Variants in KIF13B observed in about 807,000 individuals in gnomAD.
The protein encoded by KIF13B is kinesin-like protein KIF13B.
KIF13B carries 127 observed loss-of-function variants against 222.0 expected under a neutral mutation model. That is an observed-to-expected ratio of 0.57 (90% CI 0.50 to 0.66). KIF13B has a LOEUF of 0.66. Ranked by LOEUF, KIF13B falls within the 30% of genes least tolerant of loss-of-function variation. KIF13B has a pLI of 0.00. For synonymous variants in KIF13B, 976 were observed against 919.0 expected (o/e 1.06, Z -1.12); for missense variants, 2,173 against 2,379.0 (o/e 0.91, Z 1.80).
intron 12 of KIF13B, among the ~76,000 whole-genome samples, chr8:29,164,811 A>G (rs1811919973): frequency 6.6e-6 from 1 of 151,666 alleles, no homozygotes; most frequent in African/African-American, 2.4e-5. Context: ...AAACTTAACT[A>G]GATCTTCCTA....
chr8:29,263,068 T>C lies in KIF13B; in HGVS notation c.-34A>G, dbSNP rs1201021987. ...CGCCGAGGAACTCGTTCGGCTTCCG[T>C]CTGCCGCGGCCACCGGCGACTCTTC... On this transcript the variant is annotated 5_prime_UTR_variant, in exon 1 of 40. Transcript: ENST00000524189. The C allele has an allele frequency of 6.5e-7, 1 of 1,544,794 alleles. No homozygotes were observed. Among genetic ancestry groups the C allele is most frequent in the Non-Finnish European group, 8.7e-7 (1 of 1,144,274 alleles).
At chr8:29,163,985 C>G (rs905394192) in intron 12 of KIF13B, among the ~76,000 whole-genome samples, 15 of 152,176 alleles carry the variant, frequency 9.9e-5, no homozygotes, top group African/African-American at 3.4e-4. Context: ...AGTTTATACA[C>G]TGATCTCTTC....
chr8:29,085,053 C>A (rs546215951), intron 37 of KIF13B, among the ~76,000 whole-genome samples: 2 of 152,180 alleles, frequency 1.3e-5, no homozygotes, highest in Non-Finnish European at 2.9e-5. Context: ...GTAAATTATA[C>A]GAATATCTTT....
At chr8:29,109,380 G>T in intron 34 of KIF13B, 54 bp downstream of exon 34, 1 of 1,346,304 alleles carries the variant, frequency 7.4e-7, no homozygotes, top group Non-Finnish European at 1.1e-6. Context: ...CCCAAGAAAA[G>T]AGGAGAGGAG....
At chr8:29,126,541 GAATTATT>G in intron 25 of KIF13B, 30 bp from the exon 26 acceptor site, 1 of 1,301,618 alleles carries the variant, frequency 7.7e-7, no homozygotes, top group Non-Finnish European at 1.1e-6. Context: ...ACAAAGAACT[GAATTATT>G]GATTTATCCA....
Position 29,148,668 on chromosome 8 carries a change from G to T in KIF13B, c.1722C>A (p.Asp574Glu). The T allele has an allele frequency of 6.2e-7, 1 of 1,612,606 alleles. No homozygotes were observed. Among genetic ancestry groups the T allele is most frequent in the East Asian group, 2.2e-5 (1 of 44,874 alleles). ...NENSSEQLDVDGDSSSEVSSE... is the reference protein window; with the variant it reads ...NENSSEQLDVEGDSSSEVSSE... ...TGGACACCTCGCTGGAGGAGTCTCCGTCTACATCCAGCTGCTCAGAACTAT... is the reference window on the plus strand; with the variant it reads ...TGGACACCTCGCTGGAGGAGTCTCCTTCTACATCCAGCTGCTCAGAACTAT... The change falls in exon 16 of 40, where the codon GAC becomes GAA. Residue 574 changes from aspartate to glutamate, a missense_variant. Coordinates refer to ENST00000524189, the MANE Select transcript of KIF13B (RefSeq NM_015254.4).
At position 29,146,484 on chromosome 8, in the gene KIF13B, T is replaced by C. The variant is rs1811064140; in HGVS notation, c.2081A>G (p.Asn694Ser). ...MRLREQIVKA[N>S]LLVREANYIA... ...GTAATTAGCTTCTCTCACCAATAGATTGGCCTTAACAATTTGTTCCCTCAG... is the reference window on the plus strand; with the variant it reads ...GTAATTAGCTTCTCTCACCAATAGACTGGCCTTAACAATTTGTTCCCTCAG... The change falls in exon 18 of 40, where the codon AAT (asparagine) becomes AGT (serine). Residue 694 changes from asparagine to serine, a missense_variant. Coordinates refer to ENST00000524189, the MANE Select transcript of KIF13B (RefSeq NM_015254.4). The C allele has an allele frequency of 1.9e-6, 3 of 1,613,764 alleles. No individual in the cohort carries two copies. The highest frequency in any genetic ancestry group is 2.5e-6 in the Non-Finnish European group (3 of 1,179,812).
intron 10 of KIF13B, among the ~76,000 whole-genome samples, chr8:29,174,145 T>A (rs1298638482): frequency 6.6e-6 from 1 of 152,176 alleles, no homozygotes; most frequent in African/African-American, 2.4e-5. Flanking sequence ...TTGAGCAAAT[T>A]TTTTTATATA....
chr8:29,144,694 C>T (rs1016127702), intron 18 of KIF13B, among the ~76,000 whole-genome samples: 4 of 152,066 alleles, frequency 2.6e-5, no homozygotes, highest in South Asian at 4.1e-4. Context: ...ATAATAGCAA[C>T]GGGCAATATG....
intron 2 of KIF13B, among the ~76,000 whole-genome samples, chr8:29,204,253 T>C (rs1791563799): frequency 6.6e-6 from 1 of 152,214 alleles, no homozygotes; most frequent in African/African-American, 2.4e-5. Context: ...ATATGAAGAC[T>C]CTGATATATA....
intron 19 of KIF13B, 61 bp from the exon 20 acceptor site, chr8:29,140,678 C>A: frequency 4.8e-6 from 7 of 1,470,100 alleles, no homozygotes; most frequent in Admixed American, 1.9e-5. Flanking sequence ...TGCATTCAAC[C>A]TACTGCTTTT....
Position 29,092,815 on chromosome 8 carries a change from T to A in KIF13B, c.4388A>T (p.Lys1463Met), listed in dbSNP as rs748872453. ...GACGGGAAAGAGAGACTTGAGGAGC[T>A]TTGGCATTTGCGGCACGAAGGATTT... ...PVKSFVPQMP[K>M]LLKSLFPVRD... is the part of the protein sequence containing the mutation. Residue 1463 changes from lysine (K) to methionine (M), a missense_variant, in exon 37 of 40, where the codon AAG (lysine) becomes ATG (methionine). This residue lies in a region of KIF13B where 693 missense variants were observed against 656.2 expected (regional missense o/e 1.06). Transcript: ENST00000524189. 6.2e-7 allele frequency: 1 copy of A among 1,613,166 alleles called. No homozygotes were observed.
intron 31 of KIF13B, 96 bp downstream of exon 31, chr8:29,116,735 G>A (rs576754244): frequency 1.3e-5 from 15 of 1,152,716 alleles, no homozygotes; most frequent in East Asian, 1.0e-4. Context: ...GTGCTTCCGG[G>A]AGCCTGTTTG....
Position 29,160,256 on chromosome 8 carries a change from G to C in KIF13B, c.1404+477C>G, listed in dbSNP as rs546357619. ...AACCTATACTCTCTCTCTTTTAATAGATTGATAACCCAAATTTTTAATTTT... is the reference window on the plus strand; with the variant it reads ...AACCTATACTCTCTCTCTTTTAATACATTGATAACCCAAATTTTTAATTTT... On this transcript the variant is annotated intron_variant, in intron 13 of 39. Transcript: ENST00000524189. Among the ~76,000 whole-genome samples, 10 of 152,206 alleles carry C rather than the reference G, an allele frequency of 6.6e-5. No homozygotes were observed. The East Asian group carries it at 1.9e-3, about 29-fold the overall frequency.
intron 37 of KIF13B, among the ~76,000 whole-genome samples, chr8:29,080,589 G>A (rs149207922): frequency 0.01 from 1,559 of 152,320 alleles, 27 homozygotes; most frequent in African/African-American, 0.035. Context: ...GAATATGTGA[G>A]CCATAACGGC....
chr8:29,171,667 A>T (rs1477491600), intron 10 of KIF13B, among the ~76,000 whole-genome samples: 2 of 146,700 alleles, frequency 1.4e-5, no homozygotes, highest in Non-Finnish European at 3.0e-5. Context: ...GCTCTGGAAC[A>T]TGTTTTGCGA....
At chr8:29,153,335 G>C (rs1811381595) in intron 14 of KIF13B, among the ~76,000 whole-genome samples, 1 of 152,154 alleles carries the variant, frequency 6.6e-6, no homozygotes. Context: ...TCAGTAATGA[G>C]AAATGAGACC....
chr8:29,151,150 G>GA (rs771563620), intron 14 of KIF13B, among the ~76,000 whole-genome samples: 38 of 152,126 alleles, frequency 2.5e-4, no homozygotes, highest in Non-Finnish European at 2.9e-5. Flanking sequence ...GGTCTGGATG[G>GA]AAAATCAACC....
chr8:29,099,219 T>G lies in KIF13B; in HGVS notation c.4238A>C (p.Asp1413Ala), dbSNP rs1190664692. 6.2e-7 allele frequency: 1 copy of G among 1,612,570 alleles called. No individual in the cohort carries two copies. The highest frequency in any genetic ancestry group is 2.2e-5 in the East Asian group (1 of 44,818). ...TCTGGAAACTGTGGTTTGGGATACA[T>G]CCTGCTGACTTTCCCACCGGCCCTA... ...SNKGRWESQQ[D>A]VSQTTVSRGI... The change falls in exon 36 of 40, where the codon GAT becomes GCT. Residue 1413 changes from aspartate (D) to alanine (A), a missense_variant. By Grantham distance (126) the Asp-to-Ala change is moderately radical. This residue lies in a region of KIF13B where 693 missense variants were observed against 656.2 expected (regional missense o/e 1.06). Transcript: ENST00000524189.
Sources: allele counts gnomAD v4.1 joint callset (sites outside exome capture counted in the v4.1 genomes callset), GRCh38; gene constraint gnomAD v4.1.1; regional missense constraint gnomAD v4.1.1; transcripts MANE v1.5; gene names NCBI Gene and HGNC (gene_info 2026-07-23, HGNC 2026-07-21).